The following HK1 variants were observed in gnomAD, a reference collection of about 807,000 sequenced individuals.
HK1 encodes the protein hexokinase-1.
A neutral mutation model predicts 91.6 loss-of-function variants in HK1; 28 were observed. The ratio of observed to expected loss-of-function variants is 0.31; its 90% CI spans 0.23 to 0.42. The LOEUF (loss-of-function observed/expected upper bound fraction) is 0.42. HK1 is among the 10% of genes least tolerant of loss of function. The pLI, the probability that HK1 is intolerant of heterozygous loss-of-function variation, is 1.00. For synonymous variants in HK1, 430 were observed against 468.1 expected (o/e 0.92, Z 1.05); for missense variants, 770 against 1,219.8 (o/e 0.63, Z 5.49).
At chr10:69,349,716 G>A (rs538619443) in intron 2 of HK1, among the ~76,000 whole-genome samples, 116 of 152,312 alleles carry the variant, frequency 7.6e-4, no homozygotes, top group Middle Eastern at 3.4e-3. Flanking sequence ...GGACACGACA[G>A]CTCTGAATCA....
chr10:69,370,188 A>G lies in HK1; in HGVS notation c.875+564A>G, dbSNP rs116336913. 5.9e-3 allele frequency among the ~76,000 whole-genome samples: 902 copies of G among 152,314 alleles called. 8 individuals carry two copies. Among genetic ancestry groups the G allele is most frequent in the African/African-American group, 0.021 (869 of 41,574 alleles). On this transcript the variant is annotated intron_variant, in intron 7 of 17. Coordinates refer to ENST00000359426, the MANE Select transcript of HK1 (RefSeq NM_000188.3). ...CTTGTAAAACATCATGAAAACAAAA[A>G]GCACAGAGGCATTGATGCATCTTGG...
intron 2 of HK1, among the ~76,000 whole-genome samples, chr10:69,351,409 T>A (rs976155891): frequency 6.6e-6 from 1 of 152,018 alleles, no homozygotes; most frequent in Non-Finnish European, 1.5e-5. Context: ...CTGGGGAGGC[T>A]GAGGCAAGAG....
intron 17 of HK1, among the ~76,000 whole-genome samples, chr10:69,399,954 C>T (rs962459002): frequency 3.3e-5 from 5 of 152,140 alleles, no homozygotes; most frequent in Admixed American, 6.5e-5. Context: ...TGTCTTGCTC[C>T]ATCCTCACCT....
At chr10:69,323,854 G>T (rs1009054858) in intron 1 of HK1, among the ~76,000 whole-genome samples, 1 of 152,162 alleles carries the variant, frequency 6.6e-6, no homozygotes, top group South Asian at 2.1e-4. Context: ...GACTGATTTG[G>T]CATGACTGGG....
At chr10:69,302,740 T>A (rs4746838) in intron 5 of HK1, among the ~76,000 whole-genome samples, 133,288 of 147,860 alleles carry the variant, frequency 0.9, 60,214 homozygotes, top group East Asian at 0.99. Flanking sequence ...TGGGCAAAAC[T>A]ATGGGACCCT....
intron 3 of HK1, among the ~76,000 whole-genome samples, chr10:69,294,754 C>T (rs552328824): frequency 2.0e-5 from 3 of 152,142 alleles, no homozygotes; most frequent in African/African-American, 7.2e-5. Context: ...CCCAACTACT[C>T]AGAAGGCTGA....
At chr10:69,381,044 T>A (rs1029969488) in intron 9 of HK1, among the ~76,000 whole-genome samples, 1 of 152,236 alleles carries the variant, frequency 6.6e-6, no homozygotes, top group Non-Finnish European at 1.5e-5. Context: ...AGCTCACACT[T>A]GTAATCCCAG....
At chr10:69,279,017 T>C (rs913928637) in intron 1 of HK1, among the ~76,000 whole-genome samples, 1 of 152,204 alleles carries the variant, frequency 6.6e-6, no homozygotes, top group African/African-American at 2.4e-5. Context: ...AAAGACCATC[T>C]TTATGCAAGA....
rs1177296103 is a variant in HK1 at position 69,401,715 on chromosome 10, A to G, written c.*580A>G. 6 of 219,952 alleles carry G rather than the reference A, an allele frequency of 2.7e-5. No individual in the cohort carries two copies. The highest frequency in any genetic ancestry group is 5.4e-5 in the Admixed American group (1 of 18,472). The allele number at this position is 219,952 out of a possible 1,614,324, so 13.6% of individuals were successfully genotyped here. A position where few individuals can be genotyped will look rare whatever the true frequency, so the allele number is the denominator to read the frequency against. The stretch of plus-strand genomic sequence containing the variant: ...GGAACCAGTCCTAGCCGCGTGTGAC[A>G]GTCTTGCATTCTGTTTGTCTCGTGG... On this transcript the variant is annotated 3_prime_UTR_variant, in exon 18 of 18. Coordinates refer to ENST00000359426, the MANE Select transcript of HK1 (RefSeq NM_000188.3).
chr10:69,356,870 G>A (rs1224695886), intron 2 of HK1, among the ~76,000 whole-genome samples: 3 of 97,336 alleles, frequency 3.1e-5, no homozygotes, highest in African/African-American at 9.4e-5. Context: ...GCAACAGAGC[G>A]AAACTCCATC....
In HK1 at chr10:69,380,396, C is replaced by T. The variant is rs528282834; in HGVS notation, c.1265+301C>T. On this transcript the variant is annotated intron_variant, in intron 9 of 17. Transcript: ENST00000359426. The surrounding 1 kb of genome is among the most constrained non-coding windows in gnomAD (Gnocchi z 4.0). ...TCAGCGTCGCCCCCTTGGGAAGTATCGCCCTTAGTCGATTCTTGCTGGTAT... is the reference window on the plus strand; with the variant it reads ...TCAGCGTCGCCCCCTTGGGAAGTATTGCCCTTAGTCGATTCTTGCTGGTAT... Among the ~76,000 whole-genome samples the T allele has an allele frequency of 7.2e-5, 11 of 152,270 alleles. No homozygotes were observed. The highest frequency in any genetic ancestry group is 2.4e-4 in the African/African-American group (10 of 41,558).
rs551485632 is a variant in HK1, at chr10:69,329,090, G to A, written c.63+10080G>A. On this transcript the variant is annotated intron_variant, in intron 1 of 17. Transcript: ENST00000359426. ...CATTTGGACTGCTTCCACTCTTTTCGGCTGTTATGAATAATGCTGCTCTGA... is the reference window on the plus strand; with the variant it reads ...CATTTGGACTGCTTCCACTCTTTTCAGCTGTTATGAATAATGCTGCTCTGA... Among the ~76,000 whole-genome samples the A allele has an allele frequency of 1.2e-3, 182 of 151,704 alleles. 1 individual carries two copies. The highest frequency in any genetic ancestry group is 4.1e-3 in the African/African-American group (171 of 41,404).
chr10:69,287,541 G>A (rs1239578498), intron 2 of HK1, among the ~76,000 whole-genome samples: 2 of 152,108 alleles, frequency 1.3e-5, no homozygotes, highest in Non-Finnish European at 2.9e-5. Context: ...CCACTTATGC[G>A]AAATGGCCAG....
At chr10:69,377,132 G>C (rs746976880) in intron 8 of HK1, 43 bp downstream of exon 8, 2 of 1,611,888 alleles carry the variant, frequency 1.2e-6, no homozygotes, top group African/African-American at 2.7e-5. Flanking sequence ...TGTTGGGGCA[G>C]AGAAGAGCAA....
intron 15 of HK1, among the ~76,000 whole-genome samples, chr10:69,394,253 T>C (rs906528088): frequency 3.3e-5 from 5 of 152,238 alleles, no homozygotes; most frequent in Admixed American, 3.3e-4. Flanking sequence ...CAAGAACAGG[T>C]TGACCTCCAG....
At chr10:69,333,960 A>C (rs1049125568) in intron 1 of HK1, among the ~76,000 whole-genome samples, 1 of 151,968 alleles carries the variant, frequency 6.6e-6, no homozygotes, top group African/African-American at 2.4e-5. Context: ...AAAATACAAA[A>C]ATTAGCTGGA....
chr10:69,328,645 G>A (rs1415649843), intron 1 of HK1, among the ~76,000 whole-genome samples: 1 of 152,134 alleles, frequency 6.6e-6, no homozygotes, highest in Non-Finnish European at 1.5e-5. Flanking sequence ...TCTCAATTGA[G>A]TTATAATTCA....
chr10:69,344,528 T>C (rs1564528099), intron 2 of HK1, among the ~76,000 whole-genome samples: 1 of 152,192 alleles, frequency 6.6e-6, no homozygotes, highest in Non-Finnish European at 1.5e-5. Flanking sequence ...AGATGCAGAA[T>C]TGAGGCAGCC....
In HK1 at chr10:69,304,338, C is replaced by T. The variant is rs150155584; in HGVS notation, c.27+3477C>T. 9.6e-4 allele frequency among the ~76,000 whole-genome samples: 146 copies of T among 151,554 alleles called. No homozygotes were observed. The East Asian group carries it at 0.013, about 13-fold the overall frequency. On this transcript the variant is annotated intron_variant, in intron 5 of 21. Transcript: ENST00000360289. ...TATTTATTTTTGGGGGACAGAGTCT[C>T]GCTCTATCGCCCAGAATGGAGAGCA...
Sources: allele counts gnomAD v4.1 joint callset (sites outside exome capture counted in the v4.1 genomes callset), GRCh38; gene constraint gnomAD v4.1.1; non-coding constraint Gnocchi (gnomAD v3.1); transcripts MANE v1.5; gene names NCBI Gene and HGNC (gene_info 2026-07-23, HGNC 2026-07-21).